Variants in SVOP observed in about 807,000 individuals in gnomAD.
The protein encoded by SVOP is synaptic vesicle 2-related protein.
SVOP carries 17 observed loss-of-function variants against 69.1 expected under a neutral mutation model. The ratio of observed to expected loss-of-function variants is 0.25; its 90% confidence interval spans 0.17 to 0.37. The LOEUF is 0.37. Among genes scored for constraint, SVOP ranks in the 10% least tolerant of loss-of-function variants. The probability of loss-of-function intolerance (pLI) is 1.00; values close to 1 mark genes in which losing one functional copy is unlikely to be tolerated. For missense variants in SVOP, 435 were observed against 597.5 expected (o/e 0.73, Z 2.84); for synonymous variants, 238 against 238.6 (o/e 1.00, Z 0.02).
chr12:108,995,765 T>C (rs1248918386), intron 1 of SVOP, among the ~76,000 whole-genome samples: 5 of 151,610 alleles, frequency 3.3e-5, no homozygotes, highest in African/African-American at 1.2e-4. Flanking sequence ...GCCGGGCGTG[T>C]TGGGTCATGC....
intron 11 of SVOP, among the ~76,000 whole-genome samples, chr12:108,923,058 G>A (rs1187427347): frequency 6.6e-6 from 1 of 152,204 alleles, no homozygotes; most frequent in African/African-American, 2.4e-5. Context: ...TGGGCTATGC[G>A]TATGAATGTG....
At chr12:108,999,170 T>A (rs1217102230) in intron 1 of SVOP, among the ~76,000 whole-genome samples, 1 of 112,416 alleles carries the variant, frequency 8.9e-6, no homozygotes, top group South Asian at 3.8e-4. Context: ...TCCTAGTCTC[T>A]GATAAAACAG....
At chr12:108,997,230 C>A (rs1462073172) in intron 1 of SVOP, among the ~76,000 whole-genome samples, 1 of 152,228 alleles carries the variant, frequency 6.6e-6, no homozygotes, top group African/African-American at 2.4e-5. Context: ...GTCACTCCCA[C>A]CCGAATATTG....
intron 1 of SVOP, among the ~76,000 whole-genome samples, chr12:108,997,418 A>G (rs1566065803): frequency 6.6e-6 from 1 of 151,798 alleles, no homozygotes; most frequent in Non-Finnish European, 1.5e-5. Flanking sequence ...TTGCTTAGGT[A>G]AACAAAGCAG....
At position 108,983,728 on chromosome 12, in the gene SVOP, T is replaced by G. The variant is rs2040154101; in HGVS notation, c.69A>C (p.Ala23=). Residue 23 remains alanine (A), a synonymous_variant, in exon 2 of 16, where the codon GCA becomes GCC. Transcript: ENST00000610966. ...VVKFRRTGES[A]RSEDDTASGE... ...CTGAAGCCGTGTCGTCCTCTGACCTTGCACTCTCGCCTGTGCGACGGAATT... is the reference window on the plus strand; with the variant it reads ...CTGAAGCCGTGTCGTCCTCTGACCTGGCACTCTCGCCTGTGCGACGGAATT... The G allele has an allele frequency of 1.0e-5, 4 of 398,830 alleles. No homozygotes were observed. In the South Asian group the frequency reaches 5.1e-4, roughly 51 times the overall value. 24.7% of individuals were successfully genotyped at this position (398,830 alleles called of 1,614,324 possible).
intron 1 of SVOP, among the ~76,000 whole-genome samples, chr12:109,009,926 G>C (rs368357994): frequency 2.6e-5 from 4 of 152,140 alleles, no homozygotes; most frequent in South Asian, 2.1e-4. Flanking sequence ...TGTTGAGGCT[G>C]AGAAACCCTG....
chr12:108,922,721 G>T lies in SVOP; in HGVS notation c.1125C>A (p.Asp375Glu). 1 of 1,611,288 alleles carries T rather than the reference G, an allele frequency of 6.2e-7. No individual in the cohort carries two copies. Among genetic ancestry groups the T allele is most frequent in the African/African-American group, 1.3e-5 (1 of 74,992 alleles). The change falls in exon 12 of 16, where the codon GAC (aspartate) becomes GAA (glutamate). Residue 375 changes from aspartate (D) to glutamate (E), a missense_variant. Coordinates refer to ENST00000610966, the MANE Select transcript of SVOP (RefSeq NM_018711.5). ...ACTCAGAGAGGGTGGTCCACAGCAA[G>T]TCCATGTAATCCTCCTCACTCAGGT... Reference protein sequence around the residue: ...CEYLSEEDYMDLLWTTLSEFP... With the variant: ...CEYLSEEDYMELLWTTLSEFP...
chr12:108,977,650 C>T (rs767025371), intron 3 of SVOP, among the ~76,000 whole-genome samples, 154 bp from the exon 4 acceptor site: 1 of 152,158 alleles, frequency 6.6e-6, no homozygotes, highest in Non-Finnish European at 1.5e-5. Flanking sequence ...CTCAAAGCTC[C>T]AGCAGTTAAA....
In SVOP at chr12:108,912,614, C is replaced by G. The variant is rs749864029; in HGVS notation, c.1568G>C (p.Arg523Pro). ...KGRGLQESSH[R>P]EWGQEMVGRG... is the part of the protein sequence containing the mutation. The stretch of plus-strand genomic sequence containing the variant: ...GCCGACCATCTCCTGGCCCCACTCC[C>G]GGTGGCTGGACTCCTGCAGTCCTCG... Residue 523 changes from arginine to proline, a missense_variant, in exon 16 of 16, where the codon CGG becomes CCG. Arg to Pro is a moderately radical substitution (Grantham distance 103). Transcript: ENST00000610966. 1.1e-5 allele frequency: 18 copies of G among 1,613,840 alleles called. No individual in the cohort carries two copies. Among genetic ancestry groups the G allele is most frequent in the Non-Finnish European group, 1.4e-5 (17 of 1,179,882 alleles).
At chr12:108,997,582 C>A (rs1013380303) in intron 1 of SVOP, among the ~76,000 whole-genome samples, 1 of 152,084 alleles carries the variant, frequency 6.6e-6, no homozygotes, top group Non-Finnish European at 1.5e-5. Context: ...TTGAAGAGAG[C>A]AGCGGTTCTC....
At chr12:108,979,036 C>A (rs1040167218) in intron 2 of SVOP, among the ~76,000 whole-genome samples, 1 of 151,942 alleles carries the variant, frequency 6.6e-6, no homozygotes, top group Non-Finnish European at 1.5e-5. Context: ...AAAACAAGAT[C>A]GACAACAAGG....
chr12:109,008,960 C>CTT (rs71079510), intron 1 of SVOP, among the ~76,000 whole-genome samples: 3,558 of 112,682 alleles, frequency 0.032, 307 homozygotes, highest in African/African-American at 0.11. Context: ...TCTTTTCTTT[C>CTT]TTTTTTTTTT....
chr12:108,978,072 A>T (rs536877726), intron 3 of SVOP, among the ~76,000 whole-genome samples: 45 of 152,222 alleles, frequency 3.0e-4, no homozygotes, highest in Admixed American at 2.0e-3. Context: ...AGCTTTTCCA[A>T]TTAGGGGGGG....
intron 1 of SVOP, among the ~76,000 whole-genome samples, chr12:109,011,393 A>C (rs2040340734): frequency 6.6e-6 from 1 of 152,196 alleles, no homozygotes; most frequent in East Asian, 1.9e-4. Flanking sequence ...AGGCTATTAC[A>C]ATAACTCCCT....
rs1266813997 is a variant in SVOP at position 108,912,185 on chromosome 12, T to C, written c.*350A>G. ...AGCCTGGACGGTATCTACAGAGAGA[T>C]ATTTTGGTTGTTCACTGAGGGTTTG... On this transcript the variant is annotated 3_prime_UTR_variant, in exon 16 of 16. Transcript: ENST00000610966. 5 of 1,150,142 alleles carry C rather than the reference T, an allele frequency of 4.3e-6. No homozygotes were observed. Among genetic ancestry groups the C allele is most frequent in the Non-Finnish European group, 5.4e-6 (5 of 930,232 alleles). The allele number at this position is 1,150,142 out of a possible 1,614,324, so 71.2% of individuals were successfully genotyped here.
intron 13 of SVOP, 123 bp downstream of exon 13, chr12:108,919,552 C>G: frequency 1.4e-6 from 1 of 698,774 alleles, no homozygotes; most frequent in Non-Finnish European, 2.4e-6. Context: ...CACACTTGGG[C>G]CTGCACCTCC....
chr12:108,908,143 C>T lies in SVOP; in HGVS notation c.*4392G>A, dbSNP rs1269347657. The T allele has an allele frequency of 1.3e-5, 2 of 152,164 alleles. No homozygotes were observed. The allele number at this position is 152,164 out of a possible 1,614,324, so 9.4% of individuals were successfully genotyped here. On this transcript the variant is annotated 3_prime_UTR_variant, in exon 16 of 16. Coordinates refer to ENST00000610966, the MANE Select transcript of SVOP (RefSeq NM_018711.5). ...GTTATGAGGCTATGGAAGCTCTGTG[C>T]ATGATTATGCATACACAGCAGCCAC...
chr12:108,937,344 C>A lies in SVOP; in HGVS notation c.898-7G>T. 6.2e-7 allele frequency: 1 copy of A among 1,613,742 alleles called. No homozygotes were observed. The highest frequency in any genetic ancestry group is 1.1e-5 in the South Asian group (1 of 91,076). ...TCATTTTGCCTCGGTCTTCCTGTTTCAAAACAAGGACATAGTGTTTATTCT... is the reference window on the plus strand; with the variant it reads ...TCATTTTGCCTCGGTCTTCCTGTTTAAAAACAAGGACATAGTGTTTATTCT... On this transcript the variant is annotated splice_polypyrimidine_tract_variant and splice_region_variant and intron_variant, in intron 9 of 15. Transcript: ENST00000610966.
chr12:108,942,402 G>A (rs926612047), intron 7 of SVOP, among the ~76,000 whole-genome samples: 3 of 152,300 alleles, frequency 2.0e-5, no homozygotes, highest in Non-Finnish European at 4.4e-5. Context: ...GCCACTTCTC[G>A]ATGGGGCTGA....
Sources: allele counts gnomAD v4.1 joint callset (sites outside exome capture counted in the v4.1 genomes callset), GRCh38; gene constraint gnomAD v4.1.1; transcripts MANE v1.5; gene names NCBI Gene and HGNC (gene_info 2026-07-23, HGNC 2026-07-21).